DNAH14: variants seen among roughly 807,000 people sequenced by gnomAD.
The protein encoded by DNAH14 is axonemal beta dynein heavy chain 14.
In DNAH14, 478 loss-of-function variants were observed where a neutral mutation model predicts 520.9. That is an observed-to-expected ratio of 0.92 (90% CI 0.85 to 0.99). The LOEUF is 0.99. DNAH14 is among the 50% of genes least tolerant of loss of function. The pLI is 0.00. For synonymous variants in DNAH14, 1,581 were observed against 1,757.2 expected (o/e 0.90, Z 2.51); for missense variants, 4,831 against 5,234.5 (o/e 0.92, Z 2.38).
chr1:225,095,270 T>G (rs2148686361), intron 21 of DNAH14, among the ~76,000 whole-genome samples: 1 of 151,488 alleles, frequency 6.6e-6, no homozygotes, highest in South Asian at 2.1e-4. Context: ...AACAGTAGAC[T>G]GGATAAAGAA....
chr1:225,057,925 G>T (rs1455059650), intron 17 of DNAH14, among the ~76,000 whole-genome samples: 1 of 152,182 alleles, frequency 6.6e-6, no homozygotes, highest in East Asian at 1.9e-4. Flanking sequence ...GCTGGATTCA[G>T]TTTGCCAGTA....
At chr1:225,294,659 A>G (rs966032096) in intron 55 of DNAH14, among the ~76,000 whole-genome samples, 3 of 152,038 alleles carry the variant, frequency 2.0e-5, no homozygotes, top group Admixed American at 6.6e-5. Flanking sequence ...AATATCTACT[A>G]AAAGTACAAA....
At chr1:225,213,621 A>G (rs923333981) in intron 41 of DNAH14, among the ~76,000 whole-genome samples, 3 of 152,158 alleles carry the variant, frequency 2.0e-5, no homozygotes, top group Non-Finnish European at 4.4e-5. Context: ...GAGGTCCTTC[A>G]CATCCCTTGT....
At chr1:225,187,552 T>C (rs1047217906) in intron 37 of DNAH14, among the ~76,000 whole-genome samples, 17 of 151,988 alleles carry the variant, frequency 1.1e-4, no homozygotes, top group African/African-American at 4.1e-4. Flanking sequence ...GTGTTTAGCT[T>C]TTTGAGGAAA....
chr1:225,122,017 T>G (rs1437093741), intron 26 of DNAH14, among the ~76,000 whole-genome samples: 1 of 152,118 alleles, frequency 6.6e-6, no homozygotes, highest in African/African-American at 2.4e-5. Flanking sequence ...AGGTCTCACC[T>G]GGCTGAGTGA....
At chr1:225,385,295 A>G (rs1312421126) in intron 81 of DNAH14, among the ~76,000 whole-genome samples, 1 of 152,240 alleles carries the variant, frequency 6.6e-6, no homozygotes, top group East Asian at 1.9e-4. Flanking sequence ...AAAAACTGGA[A>G]GCATTCCCTT....
At chr1:225,102,372 G>A (rs974699496) in intron 23 of DNAH14, among the ~76,000 whole-genome samples, 8 of 152,110 alleles carry the variant, frequency 5.3e-5, no homozygotes, top group South Asian at 2.1e-4. Context: ...TGTCTTTATC[G>A]CAGCATGATT....
intron 8 of DNAH14, among the ~76,000 whole-genome samples, chr1:224,992,384 C>T (rs902971796): frequency 6.6e-6 from 1 of 151,994 alleles, no homozygotes; most frequent in Non-Finnish European, 1.5e-5. Flanking sequence ...TGTCTTCTTC[C>T]ATTTCTTTTA....
chr1:225,353,534 C>T (rs1263988322), intron 72 of DNAH14, among the ~76,000 whole-genome samples: 1 of 152,038 alleles, frequency 6.6e-6, no homozygotes, highest in Non-Finnish European at 1.5e-5. Context: ...CTTCATCTGT[C>T]CATCATCTTG....
At chr1:225,053,324 A>C (rs983281263) in intron 17 of DNAH14, among the ~76,000 whole-genome samples, 1 of 152,168 alleles carries the variant, frequency 6.6e-6, no homozygotes, top group Non-Finnish European at 1.5e-5. Flanking sequence ...AATGAATCCA[A>C]TTAGGTGGGA....
intron 60 of DNAH14, among the ~76,000 whole-genome samples, chr1:225,315,257 G>A (rs896822741): frequency 1.3e-5 from 2 of 151,456 alleles, no homozygotes; most frequent in African/African-American, 2.4e-5. Context: ...TATGCTTCAC[G>A]AAGTTTTCGT....
intron 69 of DNAH14, among the ~76,000 whole-genome samples, chr1:225,341,190 C>T (rs1055754498): frequency 2.6e-5 from 4 of 152,028 alleles, no homozygotes; most frequent in Admixed American, 6.6e-5. Context: ...CTGCAACCTC[C>T]GCCTCCTGGA....
rs371171947 is a variant in DNAH14, at chr1:225,185,371, G to A, written c.5616G>A (p.Thr1872=). ...GAAGAATTTTGGAAAAAGCATTAAC[G>A]CTATTACCAATTGCAGACTTCTTAT... ...TVRRILEKAL[T]LLPIADFLSV... The change falls in exon 37 of 86, where the codon ACG becomes ACA. Residue 1872 remains threonine, a synonymous_variant. Coordinates refer to ENST00000682510, the MANE Select transcript of DNAH14 (RefSeq NM_001367479.1). The A allele has an allele frequency of 3.2e-5, 49 of 1,545,000 alleles. No individual in the cohort carries two copies. The highest frequency in any genetic ancestry group is 2.7e-4 in the East Asian group (11 of 40,180).
intron 1 of DNAH14, among the ~76,000 whole-genome samples, chr1:224,939,243 A>G (rs2059245530): frequency 1.3e-5 from 2 of 152,330 alleles, no homozygotes; most frequent in African/African-American, 4.8e-5. Context: ...TTGTCTAATA[A>G]ACCAGTTAAA....
intron 46 of DNAH14, among the ~76,000 whole-genome samples, chr1:225,261,328 G>A (rs1296812577): frequency 6.6e-6 from 1 of 152,088 alleles, no homozygotes; most frequent in Non-Finnish European, 1.5e-5. Context: ...TACCTAAGTT[G>A]TTGAGAATTT....
At chr1:225,337,241 G>A (rs2095076674) in intron 66 of DNAH14, 25 bp from the exon 67 acceptor site, 1 of 1,530,142 alleles carries the variant, frequency 6.5e-7, no homozygotes, top group East Asian at 2.5e-5. Flanking sequence ...ACAAAATAGT[G>A]AAAGTACTAA....
At chr1:225,385,526 C>A (rs1359776200) in intron 81 of DNAH14, among the ~76,000 whole-genome samples, 4 of 152,194 alleles carry the variant, frequency 2.6e-5, no homozygotes, top group African/African-American at 7.2e-5. Flanking sequence ...GCAACTTCAG[C>A]AAAGTCTCAG....
At chr1:225,337,179 T>C (rs542107450) in intron 66 of DNAH14, 87 bp from the exon 67 acceptor site, 10 of 1,080,004 alleles carry the variant, frequency 9.3e-6, no homozygotes, top group Admixed American at 2.5e-5. Flanking sequence ...AAGGCAGTGA[T>C]TCTGTAGGAT....
intron 17 of DNAH14, among the ~76,000 whole-genome samples, chr1:225,070,232 T>C (rs947726230): frequency 2.6e-5 from 4 of 152,188 alleles, no homozygotes; most frequent in African/African-American, 9.6e-5. Context: ...TTTGGTTATT[T>C]CTTGTCTCCT....
Sources: allele counts gnomAD v4.1 joint callset (sites outside exome capture counted in the v4.1 genomes callset), GRCh38; gene constraint gnomAD v4.1.1; transcripts MANE v1.5; gene names NCBI Gene and HGNC (gene_info 2026-07-23, HGNC 2026-07-21).